PDGFC: variants seen among roughly 807,000 people sequenced by gnomAD.
PDGFC encodes the protein platelet derived growth factor C.
A neutral mutation model predicts 35.5 loss-of-function variants in PDGFC; 12 were observed. That is an observed-to-expected ratio of 0.34 (90% CI 0.22 to 0.55). The LOEUF (loss-of-function observed/expected upper bound fraction) is 0.55, where lower values mean the gene tolerates loss of function less well. PDGFC is among the 20% of genes least tolerant of loss of function. PDGFC has a pLI of 0.91. For missense variants in PDGFC, 322 were observed against 412.4 expected (o/e 0.78, Z 1.90); for synonymous variants, 159 against 148.8 (o/e 1.07, Z -0.50).
intron 1 of PDGFC, among the ~76,000 whole-genome samples, chr4:156,944,611 A>C (rs2110918275): frequency 6.6e-6 from 1 of 152,288 alleles, no homozygotes; most frequent in African/African-American, 2.4e-5. Context: ...GCATGTGAAG[A>C]CAAAAATGCC....
intron 2 of PDGFC, among the ~76,000 whole-genome samples, chr4:156,819,070 A>T (rs1295943746): frequency 2.0e-5 from 3 of 152,228 alleles, no homozygotes; most frequent in Non-Finnish European, 1.5e-5. Flanking sequence ...AAGGTTAAGA[A>T]GGGTAAGGAA....
intron 1 of PDGFC, among the ~76,000 whole-genome samples, chr4:156,954,754 T>C (rs1178616393): frequency 1.3e-5 from 2 of 151,970 alleles, no homozygotes; most frequent in Non-Finnish European, 2.9e-5. Flanking sequence ...GTTAGCCCCT[T>C]GTAGTTCCTT....
At chr4:156,946,410 A>G (rs1731948626) in intron 1 of PDGFC, among the ~76,000 whole-genome samples, 1 of 152,092 alleles carries the variant, frequency 6.6e-6, no homozygotes, top group African/African-American at 2.4e-5. Flanking sequence ...AGATGATTTC[A>G]TTTATCAATA....
At chr4:156,906,016 G>GT (rs1297302669) in intron 1 of PDGFC, among the ~76,000 whole-genome samples, 1 of 152,054 alleles carries the variant, frequency 6.6e-6, no homozygotes, top group Non-Finnish European at 1.5e-5. Context: ...AGATACTTGT[G>GT]TAAGTATACA....
intron 1 of PDGFC, among the ~76,000 whole-genome samples, chr4:156,905,315 T>C (rs897794261): frequency 1.3e-5 from 2 of 152,130 alleles, no homozygotes; most frequent in Non-Finnish European, 2.9e-5. Context: ...CTGTTTTTGA[T>C]GTTTTATATT....
intron 3 of PDGFC, among the ~76,000 whole-genome samples, chr4:156,799,424 A>G (rs1221255560): frequency 6.6e-6 from 1 of 152,142 alleles, no homozygotes; most frequent in Non-Finnish European, 1.5e-5. Context: ...TAGTCCTTAG[A>G]TTTGTGTTTT....
At chr4:156,893,514 T>C (rs565299650) in intron 1 of PDGFC, among the ~76,000 whole-genome samples, 2 of 152,062 alleles carry the variant, frequency 1.3e-5, no homozygotes, top group Admixed American at 6.6e-5. Flanking sequence ...TTTTATTTTG[T>C]TTTGCAGAGA....
At chr4:156,954,196 C>T (rs1327224017) in intron 1 of PDGFC, among the ~76,000 whole-genome samples, 1 of 151,962 alleles carries the variant, frequency 6.6e-6, no homozygotes, top group Non-Finnish European at 1.5e-5. Flanking sequence ...GAATTTTGAA[C>T]TCTCTCTCCA....
intron 1 of PDGFC, among the ~76,000 whole-genome samples, chr4:156,961,681 C>T (rs1732346841): frequency 6.6e-6 from 1 of 152,130 alleles, no homozygotes; most frequent in Admixed American, 6.5e-5. Context: ...TAATTTTCCA[C>T]AAACTTGAGA....
chr4:156,820,931 T>C (rs1732236002), intron 2 of PDGFC, among the ~76,000 whole-genome samples: 1 of 152,148 alleles, frequency 6.6e-6, no homozygotes, highest in Non-Finnish European at 1.5e-5. Context: ...TCACCATTAG[T>C]TTCCAATATT....
chr4:156,894,635 C>T (rs931647335), intron 1 of PDGFC, among the ~76,000 whole-genome samples: 1 of 152,104 alleles, frequency 6.6e-6, no homozygotes, highest in Non-Finnish European at 1.5e-5. Flanking sequence ...GCAGACAGCA[C>T]AACAGGAAAT....
At chr4:156,880,622 C>A (rs528660113) in intron 1 of PDGFC, among the ~76,000 whole-genome samples, 1 of 152,258 alleles carries the variant, frequency 6.6e-6, no homozygotes, top group African/African-American at 2.4e-5. Flanking sequence ...TTTAAGGAAT[C>A]CATTTATTTA....
At chr4:156,797,404 A>C in intron 3 of PDGFC, among the ~76,000 whole-genome samples, 1 of 152,272 alleles carries the variant, frequency 6.6e-6, no homozygotes, top group African/African-American at 2.4e-5. Flanking sequence ...GTGATCTGAC[A>C]GAATTTAAAG....
chr4:156,946,865 A>G (rs1023964972), intron 1 of PDGFC, among the ~76,000 whole-genome samples: 3 of 152,038 alleles, frequency 2.0e-5, no homozygotes, highest in African/African-American at 7.2e-5. Context: ...GAAAATTTCC[A>G]GACCAAAAGC....
intron 1 of PDGFC, among the ~76,000 whole-genome samples, chr4:156,903,984 T>C (rs1459767881): frequency 6.6e-6 from 1 of 152,110 alleles, no homozygotes; most frequent in Non-Finnish European, 1.5e-5. Flanking sequence ...TTTGAATGCT[T>C]GTTAGTATCC....
rs1323127456 is a variant in PDGFC at position 156,966,714 on chromosome 4, G to A, written c.118+4072C>T. Among the ~76,000 whole-genome samples, 7 of 152,296 alleles carry A rather than the reference G, an allele frequency of 4.6e-5. No homozygotes were observed. In the South Asian group the frequency reaches 1.4e-3, roughly 32 times the overall value. On this transcript the variant is annotated intron_variant, in intron 1 of 5. Transcript: ENST00000502773. The stretch of plus-strand genomic sequence containing the variant: ...TGAGACAGAACTAGAGGTCGTAGAA[G>A]AGATGGCAGCACTGAGGGAAGTTTA...
chr4:156,768,691 C>A (rs984340157), intron 4 of PDGFC, among the ~76,000 whole-genome samples: 9 of 151,994 alleles, frequency 5.9e-5, no homozygotes, highest in Admixed American at 2.0e-4. Flanking sequence ...CCTTCCCCTG[C>A]TAATGGGTGG....
intron 1 of PDGFC, among the ~76,000 whole-genome samples, chr4:156,929,245 A>G (rs1383753492): frequency 1.3e-5 from 2 of 152,184 alleles, no homozygotes; most frequent in Non-Finnish European, 2.9e-5. Context: ...ACAATAATAA[A>G]AGTCTTAATC....
At chr4:156,822,780 A>G (rs1732305866) in intron 2 of PDGFC, among the ~76,000 whole-genome samples, 1 of 150,732 alleles carries the variant, frequency 6.6e-6, no homozygotes, top group African/African-American at 2.5e-5. Flanking sequence ...TATTTTTTTG[A>G]GATGGAGTTT....
Sources: allele counts gnomAD v4.1 joint callset (sites outside exome capture counted in the v4.1 genomes callset), GRCh38; gene constraint gnomAD v4.1.1; transcripts MANE v1.5; gene names NCBI Gene and HGNC (gene_info 2026-07-23, HGNC 2026-07-21).